The following ENG variants were observed in gnomAD, a reference collection of about 807,000 sequenced individuals.
The protein encoded by ENG is endoglin.
Under a neutral mutation model 71.0 loss-of-function variants are expected in ENG, and 17 were observed. That is an observed-to-expected ratio of 0.24 (90% CI 0.16 to 0.36). The LOEUF (loss-of-function observed/expected upper bound fraction) is 0.36. Ranked by LOEUF, ENG falls within the 10% of genes least tolerant of loss-of-function variation. The probability of loss-of-function intolerance (pLI) is 1.00; values close to 1 mark genes in which losing one functional copy is unlikely to be tolerated. For synonymous variants in ENG, 360 were observed against 366.9 expected (o/e 0.98, Z 0.21); for missense variants, 749 against 868.3 (o/e 0.86, Z 1.73).
intron 5 of ENG, 89 bp from the exon 6 acceptor site, chr9:127,825,446 C>T: frequency 6.3e-7 from 1 of 1,582,900 alleles, no homozygotes; most frequent in Non-Finnish European, 8.6e-7. Context: ...CGGCTGCACT[C>T]TTACCTGGCC....
rs920796852 is a variant in ENG at position 127,838,731 on chromosome 9, G to A, written c.219+4363C>T. 6.6e-6 allele frequency among the ~76,000 whole-genome samples: 1 copy of A among 152,140 alleles called. No individual in the cohort carries two copies. Among genetic ancestry groups the A allele is most frequent in the African/African-American group, 2.4e-5 (1 of 41,414 alleles). On this transcript the variant is annotated intron_variant, in intron 2 of 14. Coordinates refer to ENST00000373203, the MANE Select transcript of ENG (RefSeq NM_001114753.3). This position sits in a 1 kb window ranked among gnomAD's most constrained non-coding sequence, Gnocchi z 4.3. ...GACACCAGGCTGGTTTCCTGTCTCC[G>A]AGGGTCAGGATGTGACCCTGGGCCC...
chr9:127,822,884 A>G (rs553816159), intron 8 of ENG, among the ~76,000 whole-genome samples: 1 of 152,370 alleles, frequency 6.6e-6, no homozygotes, highest in South Asian at 2.1e-4. Flanking sequence ...TCTGTCGCCC[A>G]GGCTGGAGTG....
intron 1 of ENG, among the ~76,000 whole-genome samples, chr9:127,853,147 G>A (rs1829072129): frequency 6.6e-6 from 1 of 152,180 alleles, no homozygotes; most frequent in Admixed American, 6.5e-5. Context: ...CAGGCCGGGA[G>A]TCAAATCCCT....
chr9:127,842,268 C>T (rs1831054225), intron 2 of ENG, among the ~76,000 whole-genome samples: 2 of 149,522 alleles, frequency 1.3e-5, no homozygotes, highest in Admixed American at 1.3e-4. Context: ...ACTCTGTCAC[C>T]CAGGCTGGAG....
At chr9:127,826,470 G>A (rs370997771) in intron 4 of ENG, 40 bp downstream of exon 4, 6 of 1,613,236 alleles carry the variant, frequency 3.7e-6, no homozygotes, top group Non-Finnish European at 5.1e-6. Context: ...TTCCTCCTGA[G>A]CAGTATCATG....
At position 127,843,732 on chromosome 9, in the gene ENG, C is replaced by CACATATAT. The variant is rs1554812389; in HGVS notation, c.68-488_68-487insATATATGT. Reference sequence around the variant, plus strand: ...ATACATATATACACCCACACATCCACATACATATATATATATATATATATT... The same window carrying CACATATAT: ...ATACATATATACACCCACACATCCACACATATATATACATATATATATATATATATATT... On this transcript the variant is annotated intron_variant, in intron 1 of 14. Transcript: ENST00000373203. Among the ~76,000 whole-genome samples the CACATATAT allele has an allele frequency of 6.1e-3, 78 of 12,752 alleles. 3 individuals are homozygous for CACATATAT. The highest frequency in any genetic ancestry group is 0.011 in the South Asian group (3 of 268). The allele number at this position is 12,752 out of a possible 152,430, so 8.4% of individuals were successfully genotyped here.
rs777038953 is a variant in ENG, at chr9:127,817,163, CTGA to C, written c.1724_1726del (p.Ile575del). The stretch of plus-strand genomic sequence containing the variant: ...AGGGAGCTCACCAGACAGGTCAGGG[CTGA>C]TGATGTTCAAGCGCATGAAGACAGT... On this transcript the variant is annotated inframe_deletion, in exon 13 of 15. Coordinates refer to ENST00000373203, the MANE Select transcript of ENG (RefSeq NM_001114753.3). The C allele has an allele frequency of 6.2e-6, 10 of 1,614,032 alleles. No individual in the cohort carries two copies. The African/African-American group carries it at 1.2e-4, about 19-fold the overall frequency.
intron 1 of ENG, among the ~76,000 whole-genome samples, chr9:127,853,263 G>A (rs1829076172): frequency 6.6e-6 from 1 of 152,094 alleles, no homozygotes; most frequent in South Asian, 2.1e-4. Flanking sequence ...CAGGTGGGGA[G>A]GTGGGGAGAA....
At chr9:127,830,856 C>T (rs1830749030) in intron 2 of ENG, among the ~76,000 whole-genome samples, 1 of 151,958 alleles carries the variant, frequency 6.6e-6, no homozygotes, top group Non-Finnish European at 1.5e-5. Flanking sequence ...CACAATTGCT[C>T]TCCCAGTTTG....
rs570262079 is a variant in ENG at position 127,843,008 on chromosome 9, G to A, written c.219+86C>T. ...AACGAGGACTCAGCCACTGCCCCAG[G>A]GACAGCCACAAGGAAGGCACCCCTC... On this transcript the variant is annotated intron_variant, in intron 2 of 14. Transcript: ENST00000373203. The A allele has an allele frequency of 3.1e-6, 5 of 1,601,274 alleles. No homozygotes were observed. The African/African-American group carries it at 5.3e-5, about 17-fold the overall frequency.
chr9:127,849,195 C>T (rs952893707), intron 1 of ENG, among the ~76,000 whole-genome samples: 1 of 152,298 alleles, frequency 6.6e-6, no homozygotes, highest in South Asian at 2.1e-4. Context: ...AACACTAGCC[C>T]GTAGGGGAAC....
chr9:127,824,252 A>C (rs1486217680), intron 8 of ENG, 52 bp downstream of exon 8: 1 of 1,613,398 alleles, frequency 6.2e-7, no homozygotes, highest in Non-Finnish European at 8.5e-7. Context: ...GGGCTAGGGG[A>C]GGAACCAGAT....
intron 1 of ENG, among the ~76,000 whole-genome samples, chr9:127,851,378 C>G (rs1252692700): frequency 2.0e-5 from 3 of 151,910 alleles, no homozygotes; most frequent in Admixed American, 6.6e-5. Context: ...CACCACTACG[C>G]CTGGCTAATT....
intron 8 of ENG, 89 bp from the exon 9 acceptor site, chr9:127,820,126 G>C: frequency 6.6e-7 from 1 of 1,524,864 alleles, no homozygotes; most frequent in Non-Finnish European, 8.8e-7. Flanking sequence ...CACAACCCAG[G>C]GGTCCCAAGT....
intron 12 of ENG, chr9:127,817,468 TC>T: frequency 1.8e-6 from 1 of 545,190 alleles, no homozygotes; most frequent in Non-Finnish European, 3.3e-6. Context: ...GCACTATGCA[TC>T]CCTCACCCTT....
intron 9 of ENG, 118 bp from the exon 10 acceptor site, chr9:127,819,778 T>C: frequency 6.2e-7 from 1 of 1,604,066 alleles, no homozygotes; most frequent in Non-Finnish European, 8.5e-7. Context: ...CAAGCTTGTC[T>C]TGTGTTCTGA....
At chr9:127,845,150 C>T (rs1304763253) in intron 1 of ENG, among the ~76,000 whole-genome samples, 1 of 152,218 alleles carries the variant, frequency 6.6e-6, no homozygotes, top group African/African-American at 2.4e-5. Flanking sequence ...CGCTCACTTC[C>T]TGTTTTCTTG....
At chr9:127,835,280 T>TA (rs1352926035) in intron 2 of ENG, among the ~76,000 whole-genome samples, 2 of 152,344 alleles carry the variant, frequency 1.3e-5, no homozygotes, top group East Asian at 3.9e-4. Context: ...ATTACAGGCG[T>TA]GAGCCACCAT....
intron 2 of ENG, among the ~76,000 whole-genome samples, chr9:127,842,048 A>C (rs997206149): frequency 7.9e-5 from 12 of 152,152 alleles, no homozygotes; most frequent in Non-Finnish European, 1.6e-4. Context: ...TGTTGTTATT[A>C]TTCAGGACAG....
Sources: gnomAD v4.1 joint callset for allele counts (sites outside exome capture counted in the v4.1 genomes callset) on GRCh38, gnomAD v4.1.1 for gene constraint, Gnocchi (gnomAD v3.1) non-coding constraint, MANE v1.5 for transcripts, NCBI Gene and HGNC (gene_info 2026-07-23, HGNC 2026-07-21) for gene names.